The following SLF1 variants were observed in gnomAD, a reference collection of about 807,000 sequenced individuals.
The protein encoded by SLF1 is SMC5/6 complex localization factor 1, also known as SMC5-SMC6 complex localization factor protein 1.
SLF1 carries 105 observed loss-of-function variants against 123.0 expected under a neutral mutation model. The observed-to-expected ratio is 0.85, with a 90% CI of 0.73 to 1.00. The LOEUF (loss-of-function observed/expected upper bound fraction) is 1.00, where lower values mean the gene tolerates loss of function less well. SLF1 is among the 50% of genes least tolerant of loss of function. The pLI is 0.00. For missense variants in SLF1, 1,239 were observed against 1,223.0 expected (o/e 1.01, Z -0.20); for synonymous variants, 434 against 406.6 (o/e 1.07, Z -0.81).
chr5:94,673,691 T>TAAAAAAA (rs35649653), intron 14 of SLF1, among the ~76,000 whole-genome samples: 14 of 119,722 alleles, frequency 1.2e-4, no homozygotes, highest in Middle Eastern at 4.2e-3. Context: ...CCTTGTCTCT[T>TAAAAAAA]AAAAAAAAAA....
chr5:94,630,545 A>G lies in SLF1; in HGVS notation c.233A>G (p.Lys78Arg). The G allele has an allele frequency of 9.7e-6, 15 of 1,551,592 alleles. No individual in the cohort carries two copies. Among genetic ancestry groups the G allele is most frequent in the Non-Finnish European group, 1.3e-5 (15 of 1,146,886 alleles). ...LTKDYIIHSA[K>R]SGRWLDETTY... ...AAGGACTATATAATTCATAGTGCCA[A>G]AAGTGGCAGATGGCTTGATGAAACA... Residue 78 changes from lysine (K) to arginine (R), a missense_variant, in exon 4 of 21, where the codon AAA becomes AGA. By Grantham distance (26) the Lys-to-Arg change is conservative (BLOSUM62 2). Transcript: ENST00000265140.
At position 94,633,983 on chromosome 5, in the gene SLF1, A is replaced by C. The variant is rs1364276385; in HGVS notation, c.431+3240A>C. On this transcript the variant is annotated intron_variant, in intron 4 of 20. Transcript: ENST00000265140. ...ATTAGTTGCCCCCAAGCATTGCTTTATCCACATCCCACAAATTTGTATTAA... is the reference window on the plus strand; with the variant it reads ...ATTAGTTGCCCCCAAGCATTGCTTTCTCCACATCCCACAAATTTGTATTAA... Among the ~76,000 whole-genome samples, 4 of 152,262 alleles carry C rather than the reference A, an allele frequency of 2.6e-5. No individual in the cohort carries two copies. The South Asian group carries it at 8.3e-4, about 32-fold the overall frequency.
At chr5:94,648,671 G>A (rs1170917750) in intron 5 of SLF1, among the ~76,000 whole-genome samples, 1 of 152,088 alleles carries the variant, frequency 6.6e-6, no homozygotes, top group Non-Finnish European at 1.5e-5. Context: ...TAGTAGCGAT[G>A]GGGTTTCACC....
chr5:94,656,528 T>G (rs1748399803), intron 9 of SLF1, among the ~76,000 whole-genome samples: 1 of 152,066 alleles, frequency 6.6e-6, no homozygotes, highest in Admixed American at 6.5e-5. Flanking sequence ...TAGAATTCCC[T>G]ACCCTTCAGT....
chr5:94,661,136 C>T (rs147970754), intron 9 of SLF1, among the ~76,000 whole-genome samples: 20 of 152,208 alleles, frequency 1.3e-4, no homozygotes, highest in Admixed American at 3.9e-4. Flanking sequence ...TGGGACTCAG[C>T]GTGTACTCTT....
At position 94,645,530 on chromosome 5, in the gene SLF1, G is replaced by A. The variant is rs763547409; in HGVS notation, c.594+2095G>A. Among the ~76,000 whole-genome samples, 11 of 152,150 alleles carry A rather than the reference G, an allele frequency of 7.2e-5. No individual in the cohort carries two copies. The South Asian group carries it at 1.4e-3, about 20-fold the overall frequency. The stretch of plus-strand genomic sequence containing the variant: ...ATGTAGTATTAACTATGAAGAGAAC[G>A]AAAGTTGTTCTTAACTAGATTAGTA... On this transcript the variant is annotated intron_variant, in intron 5 of 20. Coordinates refer to ENST00000265140, the MANE Select transcript of SLF1 (RefSeq NM_032290.4).
rs1747197900 is a variant in SLF1, at chr5:94,647,514, A to G, written c.595-1940A>G. On this transcript the variant is annotated intron_variant, in intron 5 of 20. Coordinates refer to ENST00000265140, the MANE Select transcript of SLF1 (RefSeq NM_032290.4). ...CACAACTGTGTTGCCCTACTCCTAG[A>G]TAATAGAATAGGTAGCTGATTAAGC... Among the ~76,000 whole-genome samples the G allele has an allele frequency of 3.9e-5, 6 of 152,088 alleles. No individual in the cohort carries two copies. The South Asian group carries it at 1.2e-3, about 32-fold the overall frequency.
At chr5:94,682,034 A>G (rs1751848597) in intron 15 of SLF1, among the ~76,000 whole-genome samples, 1 of 152,194 alleles carries the variant, frequency 6.6e-6, no homozygotes, top group South Asian at 2.1e-4. Context: ...GTGTGTGTGC[A>G]TGTGCGCGTG....
Position 94,689,622 on chromosome 5 carries a change from A to G in SLF1, c.2419+16A>G. 6 of 1,594,892 alleles carry G rather than the reference A, an allele frequency of 3.8e-6. No homozygotes were observed. Among genetic ancestry groups the G allele is most frequent in the Non-Finnish European group, 4.3e-6 (5 of 1,168,402 alleles). On this transcript the variant is annotated intron_variant, in intron 18 of 20. Transcript: ENST00000265140. Reference sequence around the variant, plus strand: ...AATCTAAAAGGTATTCCAAGTATTTAAATTAATTTATGCTAAGAACTTTTC... The same window carrying G: ...AATCTAAAAGGTATTCCAAGTATTTGAATTAATTTATGCTAAGAACTTTTC...
chr5:94,656,153 G>A (rs561603799), intron 9 of SLF1, among the ~76,000 whole-genome samples: 1 of 151,962 alleles, frequency 6.6e-6, no homozygotes, highest in Non-Finnish European at 1.5e-5. Flanking sequence ...CATCATGAAG[G>A]GATGTTGAAG....
At chr5:94,627,174 A>G (rs1012600424) in intron 1 of SLF1, among the ~76,000 whole-genome samples, 1 of 152,196 alleles carries the variant, frequency 6.6e-6, no homozygotes, top group Non-Finnish European at 1.5e-5. Flanking sequence ...TTTACTTGTA[A>G]TTGTATTGAA....
At chr5:94,645,247 A>C (rs1746889101) in intron 5 of SLF1, among the ~76,000 whole-genome samples, 1 of 152,206 alleles carries the variant, frequency 6.6e-6, no homozygotes, top group African/African-American at 2.4e-5. Context: ...GTAACCTGAA[A>C]TACTACTGGT....
chr5:94,654,494 A>T, intron 8 of SLF1, 136 bp from the exon 9 acceptor site: 1 of 475,008 alleles, frequency 2.1e-6, no homozygotes. Context: ...TGTAATCTTG[A>T]TATATGATTG....
intron 4 of SLF1, among the ~76,000 whole-genome samples, chr5:94,640,968 C>T (rs1020699792): frequency 6.6e-5 from 10 of 152,084 alleles, no homozygotes; most frequent in African/African-American, 2.4e-4. Flanking sequence ...TTTCTCTTAA[C>T]AGTGGTTTGG....
At chr5:94,653,545 T>G (rs534431750) in intron 8 of SLF1, 124 bp downstream of exon 8, 663 of 797,118 alleles carry the variant, frequency 8.3e-4, no homozygotes, top group Non-Finnish European at 1.1e-3. Flanking sequence ...GTAATATTCA[T>G]AGTTAATATT....
At chr5:94,630,904 C>T (rs1745127257) in intron 4 of SLF1, among the ~76,000 whole-genome samples, 161 bp downstream of exon 4, 1 of 152,086 alleles carries the variant, frequency 6.6e-6, no homozygotes, top group Non-Finnish European at 1.5e-5. Context: ...ACTTATGTGT[C>T]TTTAATAGAA....
At chr5:94,621,148 ATCTT>A (rs772590051) in intron 1 of SLF1, among the ~76,000 whole-genome samples, 7 of 152,130 alleles carry the variant, frequency 4.6e-5, no homozygotes, top group Non-Finnish European at 1.0e-4. Context: ...CACTTAATGT[ATCTT>A]TCTTTTGTGT....
At chr5:94,675,904 ATTTT>A (rs70978120) in intron 14 of SLF1, among the ~76,000 whole-genome samples, 5 of 121,712 alleles carry the variant, frequency 4.1e-5, no homozygotes, top group African/African-American at 1.2e-4. Flanking sequence ...CAACTGGTTG[ATTTT>A]TTTTTTTTTT....
rs1372749292 is a variant in SLF1, at chr5:94,695,205, A to G, written c.3070A>G (p.Ile1024Val). The G allele has an allele frequency of 9.3e-6, 15 of 1,612,614 alleles. No individual in the cohort carries two copies. Among genetic ancestry groups the G allele is most frequent in the African/African-American group, 1.3e-5 (1 of 74,832 alleles). The change falls in exon 21 of 21, where the codon ATT becomes GTT. Residue 1024 changes from isoleucine to valine, a missense_variant. Coordinates refer to ENST00000265140, the MANE Select transcript of SLF1 (RefSeq NM_032290.4). ...AAAGACATTGCAGAAACTCCCACAC[A>G]TTCTTAAGGAACTGCCTGAGAATTT... ...NIKTLQKLPH[I>V]LKELPENLKV...
Sources: gnomAD v4.1 joint callset for allele counts (sites outside exome capture counted in the v4.1 genomes callset) on GRCh38, gnomAD v4.1.1 for gene constraint, MANE v1.5 for transcripts, NCBI Gene and HGNC (gene_info 2026-07-23, HGNC 2026-07-21) for gene names.